ARHGAP26: variants seen among roughly 807,000 people sequenced by gnomAD.
The protein encoded by ARHGAP26 is rho GTPase-activating protein 26.
ARHGAP26 carries 38 observed loss-of-function variants against 104.8 expected under a neutral mutation model. The ratio of observed to expected loss-of-function variants is 0.36; its 90% CI spans 0.28 to 0.48. The LOEUF is 0.48. Among genes scored for constraint, ARHGAP26 ranks in the 20% least tolerant of loss-of-function variants. The pLI is 0.99. For synonymous variants in ARHGAP26, 341 were observed against 340.0 expected, an observed-to-expected ratio of 1.00 and a Z score of -0.03; for missense variants, 704 against 947.9, an observed-to-expected ratio of 0.74 and a Z score of 3.38.
intron 19 of ARHGAP26, among the ~76,000 whole-genome samples, chr5:143,142,210 C>T (rs759022580): frequency 7.3e-6 from 1 of 137,444 alleles, no homozygotes; most frequent in Non-Finnish European, 1.5e-5. Flanking sequence ...ACGATCTTGG[C>T]TCACTGCAAC....
chr5:143,121,291 G>A (rs552631677), intron 18 of ARHGAP26, 144 bp downstream of exon 18: 52 of 863,160 alleles, frequency 6.0e-5, no homozygotes, highest in Non-Finnish European at 8.8e-5. Context: ...TGGTAGTGAT[G>A]GTGGTGATGA....
At chr5:143,000,895 G>A (rs1777101505) in intron 11 of ARHGAP26, among the ~76,000 whole-genome samples, 2 of 152,164 alleles carry the variant, frequency 1.3e-5, no homozygotes, top group Non-Finnish European at 1.5e-5. Flanking sequence ...GAGGCAAGGG[G>A]AGGGAGAGCA....
intron 1 of ARHGAP26, among the ~76,000 whole-genome samples, chr5:142,842,689 G>A (rs1771054461): frequency 6.6e-6 from 1 of 152,150 alleles, no homozygotes; most frequent in Non-Finnish European, 1.5e-5. Flanking sequence ...TATGTCTTTG[G>A]GCAGGCACTT....
At chr5:142,912,322 G>A (rs1050164840) in intron 9 of ARHGAP26, among the ~76,000 whole-genome samples, 5 of 152,216 alleles carry the variant, frequency 3.3e-5, no homozygotes, top group Non-Finnish European at 1.5e-5. Context: ...AGCACATACT[G>A]TGTAGTTCCA....
intron 17 of ARHGAP26, chr5:143,103,095 A>C: frequency 4.9e-6 from 1 of 205,688 alleles, no homozygotes; most frequent in Non-Finnish European, 8.5e-6. Flanking sequence ...ATAGGTGTAG[A>C]GCTTTATTAA....
At chr5:142,826,562 G>C (rs924095850) in intron 1 of ARHGAP26, among the ~76,000 whole-genome samples, 1 of 152,224 alleles carries the variant, frequency 6.6e-6, no homozygotes, top group Non-Finnish European at 1.5e-5. Context: ...TGGGTTGTCC[G>C]TAGGGGAGTT....
intron 17 of ARHGAP26, among the ~76,000 whole-genome samples, chr5:143,110,017 A>T (rs2150705214): frequency 6.6e-6 from 1 of 152,262 alleles, no homozygotes; most frequent in African/African-American, 2.4e-5. Flanking sequence ...CATTACCAGC[A>T]TGCCACCCAG....
chr5:143,215,292 T>C (rs924731667), intron 22 of ARHGAP26, among the ~76,000 whole-genome samples: 1 of 152,220 alleles, frequency 6.6e-6, no homozygotes, highest in Admixed American at 6.5e-5. Context: ...AATTCACTGC[T>C]CATATGGGCA....
chr5:142,933,813 A>G (rs941984696), intron 11 of ARHGAP26, among the ~76,000 whole-genome samples: 6 of 152,220 alleles, frequency 3.9e-5, no homozygotes, highest in Admixed American at 1.3e-4. Flanking sequence ...GAGAAAGGAT[A>G]CTGTGAATAG....
At chr5:143,116,837 G>A (rs768788997) in intron 17 of ARHGAP26, among the ~76,000 whole-genome samples, 1 of 152,172 alleles carries the variant, frequency 6.6e-6, no homozygotes, top group African/African-American at 2.4e-5. Context: ...TGCGGGAACT[G>A]CCTGAAACAT....
intron 14 of ARHGAP26, among the ~76,000 whole-genome samples, chr5:143,043,134 A>G (rs1434925911): frequency 1.3e-5 from 2 of 152,220 alleles, no homozygotes; most frequent in East Asian, 1.9e-4. Context: ...TTTAGTCAAG[A>G]TGCAGAACAC....
chr5:142,884,452 AAAGAG>A (rs1273262736), intron 4 of ARHGAP26, among the ~76,000 whole-genome samples: 1 of 152,224 alleles, frequency 6.6e-6, no homozygotes, highest in East Asian at 1.9e-4. Context: ...ATAATTTCTT[AAAGAG>A]AAGAGAAAAA....
chr5:142,925,841 A>G (rs1265489156), intron 10 of ARHGAP26, among the ~76,000 whole-genome samples: 1 of 152,210 alleles, frequency 6.6e-6, no homozygotes, highest in Non-Finnish European at 1.5e-5. Context: ...TCTTGCCAAC[A>G]GAAGATTTAT....
At chr5:142,910,366 T>G (rs997049221) in intron 9 of ARHGAP26, among the ~76,000 whole-genome samples, 1 of 152,208 alleles carries the variant, frequency 6.6e-6, no homozygotes. Context: ...GAAGGAAATA[T>G]GAGGACTGGC....
chr5:142,959,111 A>T (rs1181641494), intron 11 of ARHGAP26, among the ~76,000 whole-genome samples: 2 of 152,182 alleles, frequency 1.3e-5, no homozygotes, highest in Non-Finnish European at 2.9e-5. Flanking sequence ...TGTGAGTCAC[A>T]CAAGTGGCTG....
intron 11 of ARHGAP26, among the ~76,000 whole-genome samples, chr5:142,936,345 G>T (rs995311503): frequency 1.3e-5 from 2 of 152,170 alleles, no homozygotes; most frequent in Admixed American, 6.5e-5. Flanking sequence ...GGGCCTGTGT[G>T]TTGGAAATTA....
intron 17 of ARHGAP26, among the ~76,000 whole-genome samples, chr5:143,058,731 T>G (rs934785233): frequency 1.1e-4 from 17 of 152,258 alleles, no homozygotes; most frequent in Non-Finnish European, 2.9e-5. Flanking sequence ...AGTTTTCATC[T>G]TTCTGTCAAG....
Position 143,092,714 on chromosome 5 carries a change from T to C in ARHGAP26, c.1539-28274T>C, listed in dbSNP as rs139526221. 2.8e-3 allele frequency among the ~76,000 whole-genome samples: 430 copies of C among 152,334 alleles called. 3 individuals carry two copies. The highest frequency in any genetic ancestry group is 1.0e-2 in the African/African-American group (414 of 41,588). On this transcript the variant is annotated intron_variant, in intron 17 of 22. Transcript: ENST00000645722. Reference sequence around the variant, plus strand: ...TACTTTTGTTGAAAACCTTTTAAGTTTGGGATTTCAATTATTCTTTGCTAT... The same window carrying C: ...TACTTTTGTTGAAAACCTTTTAAGTCTGGGATTTCAATTATTCTTTGCTAT...
intron 1 of ARHGAP26, among the ~76,000 whole-genome samples, chr5:142,827,402 A>T (rs1441143511): frequency 6.6e-6 from 1 of 152,234 alleles, no homozygotes; most frequent in Non-Finnish European, 1.5e-5. Context: ...CCTCCAAGCT[A>T]AAGTTTTCTT....
Sources: gnomAD v4.1 joint callset for allele counts (sites outside exome capture counted in the v4.1 genomes callset) on GRCh38, gnomAD v4.1.1 for gene constraint, MANE v1.5 for transcripts, NCBI Gene and HGNC (gene_info 2026-07-23, HGNC 2026-07-21) for gene names.